LVRN: variants seen among roughly 807,000 people sequenced by gnomAD.
The protein encoded by LVRN is laeverin.
In LVRN, 99 loss-of-function variants were observed where a neutral mutation model predicts 111.4. The observed-to-expected ratio is 0.89, with a 90% CI of 0.76 to 1.05. The LOEUF (loss-of-function observed/expected upper bound fraction) is 1.05, where lower values mean the gene tolerates loss of function less well. LVRN is among the 50% of genes least tolerant of loss of function. LVRN has a pLI of 0.00. For synonymous variants in LVRN, 488 were observed against 449.5 expected, an observed-to-expected ratio of 1.09 and a Z score of -1.08; for missense variants, 1,414 against 1,206.8, an observed-to-expected ratio of 1.17 and a Z score of -2.54.
At chr5:115,975,254 C>T in intron 1 of LVRN, 1 of 432,760 alleles carries the variant, frequency 2.3e-6, no homozygotes, top group Non-Finnish European at 4.5e-6. Flanking sequence ...AGCATATTGT[C>T]TGCTTTATCT....
intron 1 of LVRN, among the ~76,000 whole-genome samples, chr5:115,977,689 G>T (rs569606283): frequency 6.6e-6 from 1 of 152,178 alleles, no homozygotes; most frequent in African/African-American, 2.4e-5. Flanking sequence ...GGGACCTGGA[G>T]CCCTGATTCT....
At chr5:116,003,834 G>T (rs1361884272) in intron 12 of LVRN, among the ~76,000 whole-genome samples, 3 of 152,092 alleles carry the variant, frequency 2.0e-5, no homozygotes, top group African/African-American at 7.2e-5. Context: ...ACCTGCCTCG[G>T]CCTCTCAAAG....
intron 1 of LVRN, among the ~76,000 whole-genome samples, chr5:115,967,265 C>T (rs570462083): frequency 3.5e-4 from 53 of 152,186 alleles, no homozygotes; most frequent in African/African-American, 1.2e-3. Context: ...TGTTGTCTTC[C>T]GAAAGTGTTT....
intron 14 of LVRN, among the ~76,000 whole-genome samples, chr5:116,011,239 C>A (rs1246600079): frequency 6.7e-6 from 1 of 149,060 alleles, no homozygotes; most frequent in Admixed American, 6.7e-5. Flanking sequence ...AACTATTTTC[C>A]TAAGAGATTG....
chr5:116,025,106 G>A (rs967694842), intron 19 of LVRN, among the ~76,000 whole-genome samples: 5 of 152,156 alleles, frequency 3.3e-5, no homozygotes, highest in Admixed American at 6.6e-5. Flanking sequence ...CACACTATCC[G>A]TGATGTGGAG....
chr5:115,998,976 G>A (rs561021587), intron 6 of LVRN, among the ~76,000 whole-genome samples: 2 of 152,340 alleles, frequency 1.3e-5, no homozygotes, highest in African/African-American at 2.4e-5. Context: ...AAGGGTGAGA[G>A]AGTCAACTTG....
At chr5:115,966,575 T>G (rs183119190) in intron 1 of LVRN, among the ~76,000 whole-genome samples, 1 of 152,354 alleles carries the variant, frequency 6.6e-6, no homozygotes, top group African/African-American at 2.4e-5. Flanking sequence ...CTCATACTTC[T>G]GGCCCCAAGG....
chr5:116,026,285 G>A lies in LVRN; in HGVS notation c.*167G>A, dbSNP rs1748866061. ...CTCATATTGTCATGTTTGGCCCTGA[G>A]GGTGGGTGATTGCTGACAATTTTGC... is the stretch of plus-strand genomic sequence containing the variant. On this transcript the variant is annotated 3_prime_UTR_variant, in exon 20 of 20. Coordinates refer to ENST00000357872, the MANE Select transcript of LVRN (RefSeq NM_173800.5). The A allele has an allele frequency of 9.6e-7, 1 of 1,046,402 alleles. No individual in the cohort carries two copies. The highest frequency in any genetic ancestry group is 1.6e-5 in the South Asian group (1 of 62,116). 64.8% of individuals were successfully genotyped at this position (1,046,402 alleles called of 1,614,324 possible).
intron 1 of LVRN, among the ~76,000 whole-genome samples, chr5:115,973,260 G>A (rs1433929820): frequency 1.3e-5 from 2 of 152,128 alleles, no homozygotes; most frequent in Admixed American, 6.6e-5. Context: ...AATTCCAGTT[G>A]TTCTTGATGC....
chr5:116,002,698 C>G, intron 10 of LVRN, 137 bp from the exon 11 acceptor site: 1 of 597,816 alleles, frequency 1.7e-6, no homozygotes, highest in Non-Finnish European at 2.8e-6. Flanking sequence ...ATCCTAAGAG[C>G]AAAGGCCTGC....
intron 13 of LVRN, chr5:116,010,529 G>A: frequency 1.6e-6 from 1 of 609,202 alleles, no homozygotes. Context: ...CAAGACTTTG[G>A]ACACTTGAAA....
intron 3 of LVRN, among the ~76,000 whole-genome samples, chr5:115,987,519 C>T (rs111559315): frequency 0.022 from 3,412 of 152,178 alleles, 136 homozygotes; most frequent in African/African-American, 0.078. Flanking sequence ...TCTACACTTA[C>T]TGTAGGGGTA....
At chr5:116,009,267 A>C (rs1007412596) in intron 13 of LVRN, among the ~76,000 whole-genome samples, 9 of 152,212 alleles carry the variant, frequency 5.9e-5, no homozygotes, top group Non-Finnish European at 1.3e-4. Flanking sequence ...GCTCAGGAAA[A>C]AAAAAGATTC....
Position 115,984,667 on chromosome 5 carries a change from A to G in LVRN, c.936A>G (p.Ile312Met). 6.2e-7 allele frequency: 1 copy of G among 1,613,704 alleles called. No homozygotes were observed. Among genetic ancestry groups the G allele is most frequent in the Non-Finnish European group, 8.5e-7 (1 of 1,179,760 alleles). ...HMPTYLVAFV[I>M]CDYDHVNRTE... is the part of the protein sequence containing the mutation. The stretch of plus-strand genomic sequence containing the variant: ...CAACTTACTTAGTCGCATTTGTTAT[A>G]TGTGACTATGACCACGTCAACAGAA... Residue 312 changes from isoleucine to methionine, a missense_variant, in exon 3 of 20, where the codon ATA (isoleucine) becomes ATG (methionine). Coordinates refer to ENST00000357872, the MANE Select transcript of LVRN (RefSeq NM_173800.5).
At chr5:115,995,947 CGT>C (rs3072895) in intron 6 of LVRN, among the ~76,000 whole-genome samples, 63,736 of 150,760 alleles carry the variant, frequency 0.42, 13,994 homozygotes, top group Non-Finnish European at 0.49. Flanking sequence ...AGAAGCTAAT[CGT>C]GTGTGTGTGT....
At chr5:115,979,649 T>A (rs1753521792) in intron 1 of LVRN, among the ~76,000 whole-genome samples, 1 of 152,124 alleles carries the variant, frequency 6.6e-6, no homozygotes, top group African/African-American at 2.4e-5. Flanking sequence ...AAAACTTCAG[T>A]TTTCAGATTC....
At chr5:115,971,209 T>C (rs1753317824) in intron 1 of LVRN, among the ~76,000 whole-genome samples, 1 of 152,218 alleles carries the variant, frequency 6.6e-6, no homozygotes, top group Admixed American at 6.5e-5. Context: ...GGCTGTTTGT[T>C]TTCCTATTGT....
At chr5:115,966,553 G>T (rs963135876) in intron 1 of LVRN, among the ~76,000 whole-genome samples, 3 of 152,094 alleles carry the variant, frequency 2.0e-5, no homozygotes, top group African/African-American at 7.2e-5. Context: ...CCTCTATGTT[G>T]CCCAGGCTAG....
chr5:116,003,261 G>GT lies in LVRN; in HGVS notation c.1921dup (p.Ser641PhefsTer4). On this transcript the variant is annotated frameshift_variant, in exon 12 of 20. Coordinates refer to ENST00000357872, the MANE Select transcript of LVRN (RefSeq NM_173800.5). LOFTEE classifies it high-confidence loss of function. ...TATAGAAGTATTCCCAGAAATGCAA[G>GT]TTTCAGATTCTGACCATGACTGGGT... 1 of 1,577,906 alleles carries GT rather than the reference G, an allele frequency of 6.3e-7. No individual in the cohort carries two copies.
Sources: gnomAD v4.1 joint callset for allele counts (sites outside exome capture counted in the v4.1 genomes callset) on GRCh38, gnomAD v4.1.1 for gene constraint, MANE v1.5 for transcripts, NCBI Gene and HGNC (gene_info 2026-07-23, HGNC 2026-07-21) for gene names.